CDH13: variants seen among roughly 807,000 people sequenced by gnomAD.
CDH13 encodes the protein cadherin 13, also known as cadherin-13.
Under a neutral mutation model 63.8 loss-of-function variants are expected in CDH13, and 24 were observed. The observed-to-expected ratio is 0.38, with a 90% CI of 0.27 to 0.53. CDH13 has a LOEUF of 0.53. Among genes scored for constraint, CDH13 ranks in the 20% least tolerant of loss-of-function variants. The probability of loss-of-function intolerance (pLI) is 0.85; values close to 1 mark genes in which losing one functional copy is unlikely to be tolerated. For synonymous variants in CDH13, 503 were observed against 355.3 expected (o/e 1.42, Z -4.67); for missense variants, 1,049 against 903.1 (o/e 1.16, Z -2.07).
chr16:83,747,389 A>G (rs1409034289), intron 10 of CDH13, among the ~76,000 whole-genome samples: 1 of 151,836 alleles, frequency 6.6e-6, no homozygotes, highest in Non-Finnish European at 1.5e-5. Context: ...GCTTGGTTTC[A>G]CTCTCTCGTC....
intron 4 of CDH13, chr16:83,181,186 T>A: frequency 7.2e-6 from 4 of 553,788 alleles, no homozygotes. Context: ...AGCCAAGAAA[T>A]GAGGCCTCAG....
intron 2 of CDH13, among the ~76,000 whole-genome samples, chr16:82,983,729 A>G (rs1363064660): frequency 1.3e-5 from 2 of 152,198 alleles, no homozygotes; most frequent in Non-Finnish European, 2.9e-5. Flanking sequence ...ACCATGAACA[A>G]TGGACACAAA....
chr16:82,837,013 G>C (rs938648026), intron 1 of CDH13, among the ~76,000 whole-genome samples: 1 of 152,212 alleles, frequency 6.6e-6, no homozygotes, highest in African/African-American at 2.4e-5. Flanking sequence ...GCTTGAATGA[G>C]CTTTGCTGGA....
intron 10 of CDH13, among the ~76,000 whole-genome samples, chr16:83,697,688 C>G (rs570351321): frequency 6.6e-6 from 1 of 152,346 alleles, no homozygotes; most frequent in Non-Finnish European, 1.5e-5. Flanking sequence ...CACTCTGTCA[C>G]CCAGGCTGGA....
chr16:83,327,798 T>C (rs2090397099), intron 5 of CDH13, among the ~76,000 whole-genome samples: 1 of 152,198 alleles, frequency 6.6e-6, no homozygotes, highest in African/African-American at 2.4e-5. Context: ...AAAAGTCTTA[T>C]AGGTGAGGAA....
chr16:83,323,602 C>G (rs148684646), intron 5 of CDH13, among the ~76,000 whole-genome samples: 1 of 152,030 alleles, frequency 6.6e-6, no homozygotes, highest in Admixed American at 6.5e-5. Context: ...TACCTTAAAC[C>G]TCTGGAAAAA....
chr16:83,338,965 A>G (rs531362876), intron 5 of CDH13, among the ~76,000 whole-genome samples: 2 of 152,334 alleles, frequency 1.3e-5, no homozygotes, highest in East Asian at 3.9e-4. Context: ...GGTGACATAA[A>G]TCAATAAACA....
chr16:83,334,543 A>AG (rs1203547275), intron 5 of CDH13, among the ~76,000 whole-genome samples: 1 of 50,942 alleles, frequency 2.0e-5, no homozygotes, highest in African/African-American at 5.8e-5. Flanking sequence ...GGCTAGTTTA[A>AG]AAAAAAAAAA....
intron 7 of CDH13, among the ~76,000 whole-genome samples, chr16:83,545,401 T>C (rs1169870754): frequency 2.0e-5 from 3 of 152,236 alleles, no homozygotes; most frequent in African/African-American, 7.2e-5. Context: ...GTAACCAGCT[T>C]CATTCTATTG....
intron 5 of CDH13, among the ~76,000 whole-genome samples, chr16:83,238,440 C>T (rs1362331383): frequency 3.3e-5 from 5 of 152,168 alleles, no homozygotes; most frequent in East Asian, 3.9e-4. Flanking sequence ...ATTCAATTAC[C>T]TCCCACCAGG....
chr16:82,996,343 A>G (rs556412310), intron 2 of CDH13, among the ~76,000 whole-genome samples: 44 of 152,282 alleles, frequency 2.9e-4, no homozygotes, highest in African/African-American at 9.4e-4. Context: ...CTGGAACAAC[A>G]CTGAGCTTTA....
chr16:82,895,596 A>G (rs2041228112), intron 2 of CDH13, among the ~76,000 whole-genome samples: 1 of 152,122 alleles, frequency 6.6e-6, no homozygotes, highest in Non-Finnish European at 1.5e-5. Flanking sequence ...GGTTGGGATA[A>G]ATGACATGCA....
intron 1 of CDH13, chr16:82,826,773 G>C (rs1469341104): frequency 3.3e-5 from 5 of 152,178 alleles, no homozygotes; most frequent in Non-Finnish European, 5.9e-5. Flanking sequence ...CAGTTTGGCA[G>C]GTTCCTCAGA....
intron 1 of CDH13, among the ~76,000 whole-genome samples, chr16:82,792,928 G>GA (rs72004360): frequency 0.012 from 949 of 76,986 alleles, 10 homozygotes; most frequent in African/African-American, 0.034. Context: ...TGGGCTTGGA[G>GA]GGACGACAGC....
intron 10 of CDH13, among the ~76,000 whole-genome samples, chr16:83,697,819 G>C (rs1277248786): frequency 1.3e-5 from 2 of 152,196 alleles, no homozygotes; most frequent in Non-Finnish European, 2.9e-5. Context: ...GGCTAATTTT[G>C]TGTTTTTAGT....
chr16:83,447,535 C>T (rs968934807), intron 6 of CDH13, among the ~76,000 whole-genome samples: 1 of 152,008 alleles, frequency 6.6e-6, no homozygotes, highest in African/African-American at 2.4e-5. Context: ...CAGATAAACA[C>T]CATTGGTGCT....
chr16:83,217,671 G>C (rs184404555), intron 5 of CDH13, among the ~76,000 whole-genome samples, 174 bp downstream of exon 5: 2 of 152,218 alleles, frequency 1.3e-5, no homozygotes, highest in Non-Finnish European at 2.9e-5. Flanking sequence ...GGGCAACAGT[G>C]GGGGGTCTTT....
intron 11 of CDH13, among the ~76,000 whole-genome samples, chr16:83,771,383 G>C (rs1348572361): frequency 1.3e-5 from 2 of 152,200 alleles, no homozygotes; most frequent in Non-Finnish European, 2.9e-5. Context: ...TTGAAATCCA[G>C]CAGTGGAATC....
intron 6 of CDH13, among the ~76,000 whole-genome samples, chr16:83,349,037 C>T (rs186242339): frequency 3.9e-5 from 6 of 152,306 alleles, no homozygotes; most frequent in Admixed American, 3.9e-4. Context: ...AGGAAGGTCA[C>T]CCATATTTAT....
Sources: allele counts gnomAD v4.1 joint callset (sites outside exome capture counted in the v4.1 genomes callset), GRCh38; gene constraint gnomAD v4.1.1; transcripts MANE v1.5; gene names NCBI Gene and HGNC (gene_info 2026-07-23, HGNC 2026-07-21).